The following WDR49 variants were observed in gnomAD, a reference collection of about 807,000 sequenced individuals.
WDR49 encodes cilia- and flagella-associated protein 337.
Under a neutral mutation model 119.5 loss-of-function variants are expected in WDR49, and 107 were observed. That is an observed-to-expected ratio of 0.90 (90% CI 0.77 to 1.05). The LOEUF (loss-of-function observed/expected upper bound fraction) is 1.05. Among genes scored for constraint, WDR49 ranks in the 50% least tolerant of loss-of-function variants. WDR49 has a pLI of 0.00. For synonymous variants in WDR49, 425 were observed against 418.8 expected (o/e 1.01, Z -0.18); for missense variants, 1,240 against 1,220.5 (o/e 1.02, Z -0.24).
chr3:167,542,923 AG>A (rs1183379742), intron 10 of WDR49, among the ~76,000 whole-genome samples: 1 of 152,096 alleles, frequency 6.6e-6, no homozygotes, highest in African/African-American at 2.4e-5. Context: ...AGAAGAGAGA[AG>A]ATCCATATAA....
intron 6 of WDR49, among the ~76,000 whole-genome samples, chr3:167,603,567 A>G (rs1293214763): frequency 6.6e-6 from 1 of 152,180 alleles, no homozygotes; most frequent in Admixed American, 6.6e-5. Context: ...GTGAGTTAAT[A>G]TGACCCATTC....
chr3:167,495,278 A>G (rs1334465373), intron 18 of WDR49, among the ~76,000 whole-genome samples: 12 of 152,076 alleles, frequency 7.9e-5, no homozygotes, highest in South Asian at 4.1e-4. Flanking sequence ...AACAAAATGG[A>G]TGAGAAAAAT....
chr3:167,629,473 T>A (rs200967469), intron 2 of WDR49, among the ~76,000 whole-genome samples: 1 of 152,084 alleles, frequency 6.6e-6, no homozygotes, highest in East Asian at 1.9e-4. Flanking sequence ...ATTAATATTG[T>A]TTTTATGCCT....
At chr3:167,643,258 A>G (rs139338797) in intron 2 of WDR49, among the ~76,000 whole-genome samples, 5 of 152,178 alleles carry the variant, frequency 3.3e-5, no homozygotes, top group Non-Finnish European at 7.4e-5. Context: ...TAATGGGACA[A>G]ATTGACATAA....
rs74337528 is a variant in WDR49 at position 167,512,135 on chromosome 3, T to C, written c.2775-6719A>G. 6.9e-3 allele frequency among the ~76,000 whole-genome samples: 1,053 copies of C among 152,290 alleles called. 8 individuals carry two copies. Among genetic ancestry groups the C allele is most frequent in the African/African-American group, 0.024 (1,014 of 41,558 alleles). ...AGTGCTTCGTTAAGAGGGTCCCTGA[T>C]TCTGTGCCTCCTGAGTAGGTGAGAC... On this transcript the variant is annotated intron_variant, in intron 16 of 18. Coordinates refer to ENST00000682715, the MANE Select transcript of WDR49 (RefSeq NM_001366157.1).
chr3:167,645,655 G>T (rs1718084777), intron 2 of WDR49, among the ~76,000 whole-genome samples: 1 of 151,790 alleles, frequency 6.6e-6, no homozygotes, highest in Non-Finnish European at 1.5e-5. Flanking sequence ...TTTATTTCTT[G>T]TACCAACTCC....
intron 2 of WDR49, chr3:167,633,319 G>A (rs776946862): frequency 7.9e-5 from 30 of 378,470 alleles, no homozygotes; most frequent in Non-Finnish European, 1.6e-4. Context: ...GTCTTAAAAA[G>A]AAACAACTAT....
At chr3:167,649,977 G>C (rs145034343) in intron 2 of WDR49, among the ~76,000 whole-genome samples, 165 of 152,240 alleles carry the variant, frequency 1.1e-3, no homozygotes, top group African/African-American at 3.9e-3. Context: ...GGAGCACAGG[G>C]CAAACTATGG....
intron 2 of WDR49, among the ~76,000 whole-genome samples, chr3:167,644,263 C>A (rs1390969075): frequency 1.3e-5 from 2 of 151,832 alleles, no homozygotes; most frequent in South Asian, 2.1e-4. Context: ...GAAATAGTAC[C>A]CCAGAGTCTT....
chr3:167,587,930 A>G (rs1376237264), intron 7 of WDR49, among the ~76,000 whole-genome samples: 1 of 152,214 alleles, frequency 6.6e-6, no homozygotes, highest in African/African-American at 2.4e-5. Context: ...CACCTCAAGC[A>G]TTTATCCTGT....
intron 8 of WDR49, among the ~76,000 whole-genome samples, chr3:167,564,363 AGG>A (rs1713462460): frequency 6.6e-6 from 1 of 152,356 alleles, no homozygotes; most frequent in Middle Eastern, 3.4e-3. Context: ...ATAACAATAT[AGG>A]GGAAAGGGCG....
intron 16 of WDR49, among the ~76,000 whole-genome samples, chr3:167,517,820 G>C (rs1174413617): frequency 6.6e-6 from 1 of 151,164 alleles, no homozygotes; most frequent in South Asian, 2.1e-4. Context: ...TGCCATGCTG[G>C]TGTGCTGCAT....
upstream of WDR49, among the ~76,000 whole-genome samples, chr3:167,655,563 T>C (rs1718573082): frequency 6.6e-6 from 1 of 152,176 alleles, no homozygotes; most frequent in Non-Finnish European, 1.5e-5. Context: ...GCTTTCATTT[T>C]TTCATCCATC....
chr3:167,654,102 G>T, upstream of WDR49: 1 of 151,790 alleles, frequency 6.6e-6, no homozygotes, highest in Non-Finnish European at 1.5e-5. Flanking sequence ...GGTTTTTTTT[G>T]AAATAAAAGG....
intron 8 of WDR49, among the ~76,000 whole-genome samples, chr3:167,567,879 G>GA (rs1158132792): frequency 2.6e-5 from 4 of 152,246 alleles, no homozygotes; most frequent in African/African-American, 4.8e-5. Context: ...AACCAGTTCA[G>GA]AAAAAAACAT....
chr3:167,550,362 T>C (rs567110515), intron 10 of WDR49, among the ~76,000 whole-genome samples: 498 of 152,238 alleles, frequency 3.3e-3, no homozygotes, highest in African/African-American at 0.012. Context: ...TGTCCTCTTT[T>C]ATTTTGTTGA....
intron 2 of WDR49, among the ~76,000 whole-genome samples, chr3:167,647,379 G>C (rs751214145): frequency 7.2e-5 from 11 of 152,178 alleles, no homozygotes; most frequent in Non-Finnish European, 1.5e-4. Context: ...TGAAAAGGCA[G>C]GAAGCTGTTA....
At position 167,522,025 on chromosome 3, in the gene WDR49, T is replaced by C. The variant is rs991828193; in HGVS notation, c.2774+290A>G. Among the ~76,000 whole-genome samples the C allele has an allele frequency of 2.2e-5, 3 of 136,336 alleles. No individual in the cohort carries two copies. The East Asian group carries it at 6.9e-4, about 31-fold the overall frequency. The allele number at this position is 136,336 out of a possible 152,430, so 89.4% of individuals were successfully genotyped here. A position where few individuals can be genotyped will look rare whatever the true frequency, so the allele number is the denominator to read the frequency against. On this transcript the variant is annotated intron_variant, in intron 16 of 18. Transcript: ENST00000682715. The stretch of plus-strand genomic sequence containing the variant: ...AGATAGATAGATAGATAGATTGTTT[T>C]TGAAGAAAGGGGCAAATTTTCACAA...
At chr3:167,505,914 GA>G (rs964623829) in intron 16 of WDR49, among the ~76,000 whole-genome samples, 11 of 152,110 alleles carry the variant, frequency 7.2e-5, no homozygotes, top group African/African-American at 2.7e-4. Context: ...TGAATTCACA[GA>G]AAGGATTTTT....
Sources: gnomAD v4.1 joint callset for allele counts (sites outside exome capture counted in the v4.1 genomes callset) on GRCh38, gnomAD v4.1.1 for gene constraint, MANE v1.5 for transcripts, NCBI Gene and HGNC (gene_info 2026-07-23, HGNC 2026-07-21) for gene names.